GLRA2: variants seen among roughly 807,000 people sequenced by gnomAD.
The protein encoded by GLRA2 is glycine receptor subunit alpha-2.
In GLRA2, 11 loss-of-function variants were observed where a neutral mutation model predicts 31.6. That is an observed-to-expected ratio of 0.35 (90% CI 0.22 to 0.58). GLRA2 has a LOEUF of 0.58. GLRA2 is among the 20% of genes least tolerant of loss of function. The pLI, the probability that GLRA2 is intolerant of heterozygous loss-of-function variation, is 0.84. For missense variants in GLRA2, 212 were observed against 351.8 expected (o/e 0.60, Z 3.18); for synonymous variants, 132 against 134.0 (o/e 0.99, Z 0.10).
chrX:14,642,797 A>G (rs2090789831), intron 7 of GLRA2, among the ~76,000 whole-genome samples: 1 of 111,344 alleles, frequency 9.0e-6, no homozygotes, highest in Non-Finnish European at 1.9e-5. Flanking sequence ...TTGATCAGGT[A>G]TGGTAGGCAG....
chrX:14,495,109 G>C, the GLRA2 span, among the ~76,000 whole-genome samples: 7 of 111,548 alleles, frequency 6.3e-5, no homozygotes, highest in Admixed American at 2.9e-4. Context: ...ATCAGATTGA[G>C]CCAAGGCAAA....
intron 8 of GLRA2, among the ~76,000 whole-genome samples, chrX:14,695,365 A>G (rs1052475339): frequency 8.9e-6 from 1 of 112,198 alleles, no homozygotes; most frequent in Non-Finnish European, 1.9e-5. Context: ...GGAAGATAAA[A>G]GAATGCATTT....
At position 14,572,703 on chromosome X, in the gene GLRA2, A is replaced by G. The variant is rs772430675; in HGVS notation, c.203-1630A>G. Among the ~76,000 whole-genome samples, 16 of 112,169 alleles carry G rather than the reference A, an allele frequency of 1.4e-4. No individual in the cohort carries two copies. In the South Asian group the frequency reaches 5.9e-3, roughly 41 times the overall value. On this transcript the variant is annotated intron_variant, in intron 2 of 8. Transcript: ENST00000218075. ...AGCATTTCAAAGATGTCTACTGAAA[A>G]TTGTTTTGGTAATATGGTGGTGCCT...
chrX:14,513,175 C>T, the GLRA2 span, among the ~76,000 whole-genome samples: 4 of 111,376 alleles, frequency 3.6e-5, no homozygotes, highest in African/African-American at 3.3e-5. Flanking sequence ...AGAACGCCTG[C>T]CCTATTCAAC....
intron 4 of GLRA2, among the ~76,000 whole-genome samples, chrX:14,598,153 T>C (rs2090229120): frequency 9.0e-6 from 1 of 111,667 alleles, no homozygotes; most frequent in African/African-American, 3.3e-5. Context: ...CAAGACTCTC[T>C]TGTTCGTCCT....
the GLRA2 span, among the ~76,000 whole-genome samples, chrX:14,482,760 C>T: frequency 1.8e-5 from 2 of 110,968 alleles, no homozygotes. Context: ...ACCACCACCA[C>T]CACCACCATC....
At chrX:14,461,340 A>G in the GLRA2 span, among the ~76,000 whole-genome samples, 1 of 111,746 alleles carries the variant, frequency 8.9e-6, no homozygotes, top group African/African-American at 3.3e-5. Context: ...TTTGAGGTGG[A>G]GAGTTCTGTA....
chrX:14,656,610 T>C (rs931999288), intron 7 of GLRA2, among the ~76,000 whole-genome samples: 1 of 112,163 alleles, frequency 8.9e-6, no homozygotes, highest in Admixed American at 9.4e-5. Context: ...TTTTGTTCAG[T>C]CAAATGTGAA....
chrX:14,466,192 A>G, the GLRA2 span, among the ~76,000 whole-genome samples: 1 of 111,473 alleles, frequency 9.0e-6, no homozygotes, highest in African/African-American at 3.3e-5. Flanking sequence ...GGATGCATTG[A>G]TATCTACTGA....
the GLRA2 span, among the ~76,000 whole-genome samples, chrX:14,453,496 A>T: frequency 8.9e-6 from 1 of 111,925 alleles, no homozygotes; most frequent in Non-Finnish European, 1.9e-5. Context: ...AACATCTATT[A>T]TAATAGATGG....
chrX:14,688,470 C>T (rs1453371340), intron 7 of GLRA2, among the ~76,000 whole-genome samples: 1 of 111,173 alleles, frequency 9.0e-6, no homozygotes, highest in Non-Finnish European at 1.9e-5. Flanking sequence ...TTCCAGGCCG[C>T]TTTGTTTACC....
chrX:14,701,932 C>A (rs748494147), intron 8 of GLRA2, among the ~76,000 whole-genome samples: 3 of 111,756 alleles, frequency 2.7e-5, no homozygotes, highest in Non-Finnish European at 5.6e-5. Flanking sequence ...TATTTCAGTG[C>A]AGAATGTTGT....
At chrX:14,671,112 G>A (rs1381095092) in intron 7 of GLRA2, among the ~76,000 whole-genome samples, 1 of 112,079 alleles carries the variant, frequency 8.9e-6, no homozygotes, top group African/African-American at 3.2e-5. Flanking sequence ...AATTGATTTG[G>A]TACTTACTGC....
upstream of GLRA2, among the ~76,000 whole-genome samples, chrX:14,527,552 T>A (rs2089193438): frequency 9.2e-6 from 1 of 108,383 alleles, no homozygotes; most frequent in South Asian, 4.2e-4. Flanking sequence ...GAGGTGGAGG[T>A]TGCAGTGAGC....
the GLRA2 span, among the ~76,000 whole-genome samples, chrX:14,517,224 A>T: frequency 8.9e-6 from 1 of 112,379 alleles, no homozygotes; most frequent in African/African-American, 3.2e-5. Context: ...ATGCACATCA[A>T]TTAACAACTA....
chrX:14,571,891 T>C (rs1426678595), intron 2 of GLRA2, among the ~76,000 whole-genome samples: 3 of 111,132 alleles, frequency 2.7e-5, no homozygotes, highest in East Asian at 5.6e-4. Context: ...ATGAGGGAAG[T>C]GCAACAAAAA....
chrX:14,673,583 C>T (rs2091115482), intron 7 of GLRA2, among the ~76,000 whole-genome samples: 1 of 111,740 alleles, frequency 8.9e-6, no homozygotes, highest in African/African-American at 3.3e-5. Context: ...AACCAACAAG[C>T]TCAGTCCAGG....
At position 14,730,417 on chromosome X, in the gene GLRA2, C is replaced by G; in HGVS notation, c.1291C>G (p.Leu431Val). 8.3e-7 allele frequency: 1 copy of G among 1,206,486 alleles called. No individual in the cohort carries two copies. The highest frequency in any genetic ancestry group is 1.8e-5 in the South Asian group (1 of 56,853). Residue 431 changes from leucine (L) to valine (V), a missense_variant, in exon 9 of 9, where the codon CTC becomes GTC. By Grantham distance (32) the Leu-to-Val change is conservative. Coordinates refer to ENST00000218075, the MANE Select transcript of GLRA2 (RefSeq NM_002063.4). ...ISRAAFPLAF[L>V]IFNIFYWITY... ...TCGAGCTGCCTTCCCATTGGCCTTC[C>G]TCATTTTCAACATCTTTTACTGGAT...
rs183329411 is a variant in GLRA2, at chrX:14,691,338, C to T, written c.1080+479C>T. ...GTGTGTGTGTGTGCGCGCGTGCGTG[C>T]GTGTACATCACTGATCTGATTGACT... On this transcript the variant is annotated intron_variant, in intron 8 of 8. Coordinates refer to ENST00000218075, the MANE Select transcript of GLRA2 (RefSeq NM_002063.4). Among the ~76,000 whole-genome samples the T allele has an allele frequency of 7.0e-3, 655 of 93,404 alleles. 3 individuals carry two copies. Among genetic ancestry groups the T allele is most frequent in the South Asian group, 0.014 (27 of 1,900 alleles). The allele number at this position is 93,404 out of a possible 115,157, so 81.1% of individuals were successfully genotyped here.
Sources: gnomAD v4.1 joint callset for allele counts (sites outside exome capture counted in the v4.1 genomes callset) on GRCh38, gnomAD v4.1.1 for gene constraint, MANE v1.5 for transcripts, NCBI Gene and HGNC (gene_info 2026-07-23, HGNC 2026-07-21) for gene names.